Variants in MACROD2 observed in about 807,000 individuals in gnomAD.
The protein encoded by MACROD2 is mono-ADP ribosylhydrolase 2.
In MACROD2, 36 loss-of-function variants were observed where a neutral mutation model predicts 70.4. That is an observed-to-expected ratio of 0.51 (90% CI 0.39 to 0.68). MACROD2 has a LOEUF of 0.68. Ranked by LOEUF, MACROD2 falls within the 30% of genes least tolerant of loss-of-function variation. The pLI is 0.00. For missense variants in MACROD2, 496 were observed against 538.4 expected (o/e 0.92, Z 0.78); for synonymous variants, 172 against 178.8 (o/e 0.96, Z 0.30).
intron 3 of MACROD2, among the ~76,000 whole-genome samples, chr20:14,469,935 C>G (rs1330548826): frequency 6.6e-6 from 1 of 152,008 alleles, no homozygotes; most frequent in Admixed American, 6.5e-5. Context: ...TCTGTCAATT[C>G]ATCAAACTCA....
At position 14,727,547 on chromosome 20, in the gene MACROD2, G is replaced by C. The variant is rs180876879; in HGVS notation, c.418+42588G>C. Among the ~76,000 whole-genome samples, 616 of 152,006 alleles carry C rather than the reference G, an allele frequency of 4.1e-3. 1 individual carries two copies. The highest frequency in any genetic ancestry group is 6.6e-3 in the Non-Finnish European group (449 of 67,926). On this transcript the variant is annotated intron_variant, in intron 5 of 17. Transcript: ENST00000684519. ...GAGACCCTGTCTCAAAACAGAAAGA[G>C]AGAGAGAGAGAGAGAAGAAACAAAG... is the stretch of plus-strand genomic sequence containing the variant.
chr20:14,542,617 A>T (rs932817940), intron 4 of MACROD2, among the ~76,000 whole-genome samples: 12 of 152,190 alleles, frequency 7.9e-5, no homozygotes, highest in Admixed American at 3.9e-4. Flanking sequence ...ATGCAAAAGT[A>T]TTTAAGGAGA....
intron 5 of MACROD2, among the ~76,000 whole-genome samples, chr20:15,044,517 C>T (rs1220245621): frequency 6.6e-6 from 1 of 152,118 alleles, no homozygotes; most frequent in Non-Finnish European, 1.5e-5. Flanking sequence ...ATTCTCTCTG[C>T]CTGGAGAGCT....
Position 15,056,795 on chromosome 20 carries a change from T to C in MACROD2, c.419-173145T>C, listed in dbSNP as rs577571852. 2.0e-5 allele frequency among the ~76,000 whole-genome samples: 3 copies of C among 152,304 alleles called. No homozygotes were observed. In the South Asian group the frequency reaches 6.2e-4, roughly 32 times the overall value. ...GTAACTGATGTAACAGCAAAGAGAT[T>C]TTTAAGTATATGATTGACATGTATG... On this transcript the variant is annotated intron_variant, in intron 5 of 17. Transcript: ENST00000684519.
At chr20:14,953,438 C>G (rs1277207934) in intron 5 of MACROD2, among the ~76,000 whole-genome samples, 1 of 152,072 alleles carries the variant, frequency 6.6e-6, no homozygotes, top group South Asian at 2.1e-4. Flanking sequence ...TACCGAGTAG[C>G]TGGGACTACA....
At chr20:15,053,818 CCTT>C (rs2075461854) in intron 5 of MACROD2, among the ~76,000 whole-genome samples, 2 of 152,160 alleles carry the variant, frequency 1.3e-5, no homozygotes, top group South Asian at 4.1e-4. Context: ...ACATTGAAAA[CCTT>C]CTGGAAAGGA....
chr20:15,905,299 A>G (rs1601100780), intron 10 of MACROD2, among the ~76,000 whole-genome samples: 1 of 152,208 alleles, frequency 6.6e-6, no homozygotes, highest in South Asian at 2.1e-4. Flanking sequence ...ATGAAAGGTG[A>G]TACTAAGTTC....
chr20:14,493,437 AC>A (rs2084816681), intron 3 of MACROD2, 41 bp from the exon 4 acceptor site: 1 of 1,537,802 alleles, frequency 6.5e-7, no homozygotes, highest in Non-Finnish European at 9.0e-7. Context: ...TATTTCTTAT[AC>A]ATATTATTTA....
At chr20:14,523,894 C>T (rs1368181448) in intron 4 of MACROD2, among the ~76,000 whole-genome samples, 1 of 152,176 alleles carries the variant, frequency 6.6e-6, no homozygotes, top group Non-Finnish European at 1.5e-5. Flanking sequence ...CCTTTTGTCT[C>T]CTGCAATTGC....
intron 5 of MACROD2, among the ~76,000 whole-genome samples, chr20:15,059,823 TTTCATGTAGCCAAG>T (rs2075517564): frequency 6.6e-6 from 1 of 152,220 alleles, no homozygotes; most frequent in African/African-American, 2.4e-5. Context: ...AGCTAGCCAA[TTTCATGTAGCCAAG>T]GAGGTAAATG....
chr20:15,801,082 A>G (rs2063720552), intron 8 of MACROD2, among the ~76,000 whole-genome samples: 1 of 149,438 alleles, frequency 6.7e-6, no homozygotes, highest in Admixed American at 6.7e-5. Flanking sequence ...GCCTAGGAAA[A>G]CCAGAGACCT....
chr20:14,231,359 A>G (rs1017233985), intron 3 of MACROD2, among the ~76,000 whole-genome samples: 11 of 151,906 alleles, frequency 7.2e-5, no homozygotes, highest in Non-Finnish European at 1.2e-4. Context: ...TCATTGTTCA[A>G]TTCCCACCTA....
chr20:15,531,058 T>A (rs1456896663), intron 8 of MACROD2, among the ~76,000 whole-genome samples: 1 of 151,156 alleles, frequency 6.6e-6, no homozygotes, highest in Non-Finnish European at 1.5e-5. Flanking sequence ...AAGCTTATAA[T>A]TTTAAATATT....
At chr20:15,283,357 C>A (rs1389406210) in intron 6 of MACROD2, among the ~76,000 whole-genome samples, 1 of 152,118 alleles carries the variant, frequency 6.6e-6, no homozygotes, top group African/African-American at 2.4e-5. Context: ...AGAGAAAAGG[C>A]TCTAGCTGCC....
At chr20:15,174,693 A>G (rs2145893036) in intron 5 of MACROD2, among the ~76,000 whole-genome samples, 1 of 152,314 alleles carries the variant, frequency 6.6e-6, no homozygotes, top group East Asian at 1.9e-4. Flanking sequence ...AATGATCACC[A>G]TTCTAACTGG....
At chr20:14,566,267 T>A (rs936796276) in intron 4 of MACROD2, among the ~76,000 whole-genome samples, 1 of 152,096 alleles carries the variant, frequency 6.6e-6, no homozygotes, top group African/African-American at 2.4e-5. Flanking sequence ...CGTGAAAATA[T>A]GCTTCTGCAT....
rs542183467 is a variant in MACROD2 at position 14,124,670 on chromosome 20, A to C, written c.271+38942A>C. Among the ~76,000 whole-genome samples the C allele has an allele frequency of 2.6e-5, 4 of 152,304 alleles. No individual in the cohort carries two copies. The East Asian group carries it at 5.8e-4, about 22-fold the overall frequency. ...AAAAGTGCTGCAGAGGATGTTGAGA[A>C]ATTGGAACACTCAAACATGGCTGGT... On this transcript the variant is annotated intron_variant, in intron 3 of 17. Transcript: ENST00000684519.
intron 3 of MACROD2, among the ~76,000 whole-genome samples, chr20:14,265,296 G>T (rs913140113): frequency 6.6e-6 from 1 of 152,138 alleles, no homozygotes; most frequent in Non-Finnish European, 1.5e-5. Flanking sequence ...CCTGGTAAGG[G>T]TTGTATGATG....
rs554862442 is a variant in MACROD2, at chr20:15,880,389, G to A, written c.728-5375G>A. Among the ~76,000 whole-genome samples, 5 of 151,966 alleles carry A rather than the reference G, an allele frequency of 3.3e-5. No individual in the cohort carries two copies. The East Asian group carries it at 9.8e-4, about 30-fold the overall frequency. On this transcript the variant is annotated intron_variant, in intron 9 of 17. Coordinates refer to ENST00000684519, the MANE Select transcript of MACROD2 (RefSeq NM_001351661.2). ...AGTGTGATTACCCTTGTCTTTGTTT[G>A]AGTTCCCCAATAAGCAGATCCTGAA...
Sources: gnomAD v4.1 joint callset for allele counts (sites outside exome capture counted in the v4.1 genomes callset) on GRCh38, gnomAD v4.1.1 for gene constraint, MANE v1.5 for transcripts, NCBI Gene and HGNC (gene_info 2026-07-23, HGNC 2026-07-21) for gene names.